EHMT1: variants seen among roughly 807,000 people sequenced by gnomAD.
The protein encoded by EHMT1 is euchromatic histone lysine methyltransferase 1.
Under a neutral mutation model 147.2 loss-of-function variants are expected in EHMT1, and 15 were observed. The observed-to-expected ratio is 0.10, with a 90% confidence interval of 0.07 to 0.16. EHMT1 has a LOEUF of 0.16. EHMT1 is among the 10% of genes least tolerant of loss of function. The pLI is 1.00. For synonymous variants in EHMT1, 795 were observed against 709.6 expected (o/e 1.12, Z -1.91); for missense variants, 1,587 against 1,772.4 (o/e 0.90, Z 1.88).
chr9:137,670,277 A>G (rs1564564727), intron 1 of EHMT1, among the ~76,000 whole-genome samples: 1 of 151,694 alleles, frequency 6.6e-6, no homozygotes, highest in Non-Finnish European at 1.5e-5. Context: ...ATCCTCCCTC[A>G]TTCTCCCTTA....
At chr9:137,650,588 TTG>T (rs950579852) in intron 1 of EHMT1, among the ~76,000 whole-genome samples, 1 of 152,050 alleles carries the variant, frequency 6.6e-6, no homozygotes, top group Non-Finnish European at 1.5e-5. Context: ...TTAAATTGGG[TTG>T]TCTTTTTATT....
chr9:137,682,014 C>G (rs1421735550), intron 1 of EHMT1, among the ~76,000 whole-genome samples: 3 of 151,958 alleles, frequency 2.0e-5, no homozygotes, highest in African/African-American at 7.3e-5. Context: ...GCAGTGGTGC[C>G]ATCTCGGCTC....
chr9:137,792,035 AAC>A (rs1349042945), intron 16 of EHMT1: 1 of 464,846 alleles, frequency 2.2e-6, no homozygotes, highest in African/African-American at 2.0e-5. Flanking sequence ...GCCCAGCGCT[AAC>A]AGCTTTTTTT....
At chr9:137,670,398 C>G (rs76081922) in intron 1 of EHMT1, among the ~76,000 whole-genome samples, 4,314 of 152,178 alleles carry the variant, frequency 0.028, 184 homozygotes, top group African/African-American at 0.098. Flanking sequence ...TGCCCTGACC[C>G]GGTAGTGTCC....
In EHMT1 at chr9:137,775,029, T is replaced by G; in HGVS notation, c.1648-80T>G. 6.3e-7 allele frequency: 1 copy of G among 1,598,504 alleles called. No individual in the cohort carries two copies. Among genetic ancestry groups the G allele is most frequent in the Non-Finnish European group, 8.6e-7 (1 of 1,167,730 alleles). ...ACCTGCTGAGCAGCTCTTGTGTGCCTGCACTGCCCAGCGCCTGGTGGGAGG... is the reference window on the plus strand; with the variant it reads ...ACCTGCTGAGCAGCTCTTGTGTGCCGGCACTGCCCAGCGCCTGGTGGGAGG... On this transcript the variant is annotated intron_variant, in intron 10 of 26. Transcript: ENST00000460843. This position sits in a 1 kb window ranked among gnomAD's most constrained non-coding sequence, Gnocchi z 6.1.
intron 1 of EHMT1, chr9:137,666,109 G>C (rs182663063): frequency 6.6e-6 from 1 of 152,382 alleles, no homozygotes; most frequent in East Asian, 1.9e-4. Flanking sequence ...TTCTAGGCTG[G>C]GGCCAGGGCC....
intron 25 of EHMT1, among the ~76,000 whole-genome samples, chr9:137,833,667 G>GCCAGGGC (rs1422997229): frequency 6.6e-6 from 1 of 152,250 alleles, no homozygotes; most frequent in Non-Finnish European, 1.5e-5. Flanking sequence ...AGTGCCAGGG[G>GCCAGGGC]CCAGGGCCCA....
At chr9:137,679,074 C>T (rs1373591880) in intron 1 of EHMT1, among the ~76,000 whole-genome samples, 1 of 152,148 alleles carries the variant, frequency 6.6e-6, no homozygotes, top group Non-Finnish European at 1.5e-5. Context: ...CTGCCTCAGC[C>T]TCCTGGGTAG....
At chr9:137,627,612 G>A (rs538303560) in intron 1 of EHMT1, among the ~76,000 whole-genome samples, 1 of 151,940 alleles carries the variant, frequency 6.6e-6, no homozygotes, top group Non-Finnish European at 1.5e-5. Flanking sequence ...GGCGTGAGCC[G>A]CCGCGCCCGG....
Position 137,620,373 on chromosome 9 carries a change from C to T in EHMT1, c.21+1324C>T, listed in dbSNP as rs377169671. On this transcript the variant is annotated intron_variant, in intron 1 of 26. Transcript: ENST00000460843. Reference sequence around the variant, plus strand: ...CAGGCGCCTCCCTCGGTTTTCTTCACCCTGTGCAGCAGGTGCTGTTATTTC... The same window carrying T: ...CAGGCGCCTCCCTCGGTTTTCTTCATCCTGTGCAGCAGGTGCTGTTATTTC... Among the ~76,000 whole-genome samples, 23 of 152,216 alleles carry T rather than the reference C, an allele frequency of 1.5e-4. 1 individual carries two copies. The South Asian group carries it at 4.8e-3, about 32-fold the overall frequency.
intron 4 of EHMT1, among the ~76,000 whole-genome samples, chr9:137,740,070 T>C (rs7862629): frequency 0.22 from 33,187 of 151,940 alleles, 3,885 homozygotes; most frequent in Admixed American, 0.34. Context: ...ACTTCCAACC[T>C]CCCATCCACC....
chr9:137,738,825 G>C (rs975990255), intron 4 of EHMT1: 4 of 152,256 alleles, frequency 2.6e-5, no homozygotes, highest in African/African-American at 9.7e-5. Context: ...TCCACTTAAA[G>C]GAGGTCCCTA....
chr9:137,716,816 G>T lies in EHMT1; in HGVS notation c.276G>T (p.Ala92=), dbSNP rs376810828. ...QDGTNTLTRI[A]ENGVSERDSE... Reference sequence around the variant, plus strand: ...GCACCAACACACTAACTCGGATAGCGGAAAATGGGGTTTCAGAAAGAGACT... The same window carrying T: ...GCACCAACACACTAACTCGGATAGCTGAAAATGGGGTTTCAGAAAGAGACT... The change falls in exon 3 of 27, where the codon GCG becomes GCT. Residue 92 remains alanine, a synonymous_variant. Coordinates refer to ENST00000460843, the MANE Select transcript of EHMT1 (RefSeq NM_024757.5). The T allele has an allele frequency of 4.3e-6, 7 of 1,613,302 alleles. No individual in the cohort carries two copies. Among genetic ancestry groups the T allele is most frequent in the Non-Finnish European group, 5.9e-6 (7 of 1,179,892 alleles).
At chr9:137,823,537 A>G (rs57330346) in intron 25 of EHMT1, 23,565 of 232,804 alleles carry the variant, frequency 0.1, 5,783 homozygotes, top group African/African-American at 0.54. Context: ...TCAGCCTCCC[A>G]AGTAGCTGGG....
At chr9:137,709,262 G>GA (rs1944493131) in intron 1 of EHMT1, among the ~76,000 whole-genome samples, 1 of 152,202 alleles carries the variant, frequency 6.6e-6, no homozygotes, top group Non-Finnish European at 1.5e-5. Flanking sequence ...GGTGCAGGCT[G>GA]AGCTGGCTGG....
At chr9:137,634,353 T>A (rs1300011434) in intron 1 of EHMT1, among the ~76,000 whole-genome samples, 1 of 152,224 alleles carries the variant, frequency 6.6e-6, no homozygotes, top group Non-Finnish European at 1.5e-5. Flanking sequence ...CAGGCTTCAT[T>A]CTTTTCATGT....
At chr9:137,748,474 T>TA (rs1948724708) in intron 6 of EHMT1, among the ~76,000 whole-genome samples, 1 of 152,144 alleles carries the variant, frequency 6.6e-6, no homozygotes, top group Admixed American at 6.5e-5. Context: ...AGCACCCTCA[T>TA]ACAGGTGTTG....
chr9:137,705,323 G>A (rs1944175455), intron 1 of EHMT1, among the ~76,000 whole-genome samples: 2 of 152,168 alleles, frequency 1.3e-5, no homozygotes, highest in Admixed American at 1.3e-4. Context: ...TTTGAAAGTT[G>A]GACATGAAAT....
intron 1 of EHMT1, among the ~76,000 whole-genome samples, chr9:137,668,369 TCATC>T (rs1159535619): frequency 1.5e-5 from 2 of 136,604 alleles, no homozygotes; most frequent in East Asian, 4.9e-4. Flanking sequence ...ACCCACCCAC[TCATC>T]CATCCATCCA....
Sources: allele counts gnomAD v4.1 joint callset (sites outside exome capture counted in the v4.1 genomes callset), GRCh38; gene constraint gnomAD v4.1.1; non-coding constraint Gnocchi (gnomAD v3.1); transcripts MANE v1.5; gene names NCBI Gene and HGNC (gene_info 2026-07-23, HGNC 2026-07-21).